The following TAF4 variants were observed in gnomAD, a reference collection of about 807,000 sequenced individuals.
TAF4 encodes the protein TATA-box binding protein associated factor 4, also known as transcription initiation factor TFIID subunit 4.
Under a neutral mutation model 90.3 loss-of-function variants are expected in TAF4, and 9 were observed. The ratio of observed to expected loss-of-function variants is 0.10; its 90% CI spans 0.06 to 0.17. The LOEUF is 0.17. Among genes scored for constraint, TAF4 ranks in the 10% least tolerant of loss-of-function variants. TAF4 has a pLI of 1.00. For synonymous variants in TAF4, 818 were observed against 638.9 expected, an observed-to-expected ratio of 1.28 and a Z score of -4.23; for missense variants, 1,351 against 1,370.7, an observed-to-expected ratio of 0.99 and a Z score of 0.23.
intron 10 of TAF4, 38 bp from the exon 11 acceptor site, chr20:62,000,292 T>C (rs1487552932): frequency 5.0e-6 from 8 of 1,604,486 alleles, no homozygotes; most frequent in Non-Finnish European, 6.8e-6. Context: ...TTTAAAATCA[T>C]TAAGCACAGT....
At chr20:61,996,302 A>G (rs1295857096) in intron 14 of TAF4, among the ~76,000 whole-genome samples, 1 of 152,040 alleles carries the variant, frequency 6.6e-6, no homozygotes. Context: ...GGATCACCTG[A>G]GCCCGGGGAT....
At position 62,036,836 on chromosome 20, in the gene TAF4, G is replaced by T. The variant is rs138763661; in HGVS notation, c.1361-22129C>A. Among the ~76,000 whole-genome samples the T allele has an allele frequency of 2.1e-4, 32 of 152,338 alleles. 1 individual carries two copies. Among genetic ancestry groups the T allele is most frequent in the African/African-American group, 7.7e-4 (32 of 41,572 alleles). On this transcript the variant is annotated intron_variant, in intron 1 of 14. Coordinates refer to ENST00000252996, the MANE Select transcript of TAF4 (RefSeq NM_003185.4). ...TCATATGCTGAAACCCAATCCCCAA[G>T]GTGATGGTAGCAGAAGCGGGGGGAC...
chr20:61,998,436 A>T (rs920053047), intron 12 of TAF4, among the ~76,000 whole-genome samples: 6 of 152,228 alleles, frequency 3.9e-5, no homozygotes, highest in Non-Finnish European at 2.9e-5. Context: ...CACATCTACC[A>T]ATCGCAGGCT....
At chr20:62,064,120 G>A (rs1028747871) in intron 1 of TAF4, among the ~76,000 whole-genome samples, 8 of 152,250 alleles carry the variant, frequency 5.3e-5, no homozygotes, top group East Asian at 1.9e-4. Flanking sequence ...ACCAACCCGG[G>A]CAGGGACGCA....
chr20:62,001,102 A>AAGAGTACG (rs2055698274), intron 9 of TAF4, among the ~76,000 whole-genome samples: 1 of 152,244 alleles, frequency 6.6e-6, no homozygotes, highest in Non-Finnish European at 1.5e-5. Context: ...AAGTTGGAAG[A>AAGAGTACG]AGAGTACGCA....
chr20:62,003,976 C>A, intron 7 of TAF4, 98 bp from the exon 8 acceptor site: 5 of 1,402,922 alleles, frequency 3.6e-6, no homozygotes, highest in Non-Finnish European at 4.7e-6. Context: ...TCCTTTGCAC[C>A]CCACGCCCCC....
In TAF4 at chr20:62,049,809, A is replaced by C. The variant is rs533173657; in HGVS notation, c.1360+14642T>G. On this transcript the variant is annotated intron_variant, in intron 1 of 14. Coordinates refer to ENST00000252996, the MANE Select transcript of TAF4 (RefSeq NM_003185.4). ...CCAGTCACGTGGCCTTGAGCAGTTC[A>C]TAGAAATGCGAGCCTCAGTGTCTCG... Among the ~76,000 whole-genome samples the C allele has an allele frequency of 7.2e-5, 11 of 152,244 alleles. No homozygotes were observed. In the South Asian group the frequency reaches 2.3e-3, roughly 32 times the overall value.
In TAF4 at chr20:62,010,851, T is replaced by G. The variant is rs1437832733; in HGVS notation, c.1642-686A>C. ...AGGTAGCTCAGACAACTCAGTGGCC[T>G]GTACTCGATTCCTAACATTTCCATT... On this transcript the variant is annotated intron_variant, in intron 3 of 14. Coordinates refer to ENST00000252996, the MANE Select transcript of TAF4 (RefSeq NM_003185.4). The surrounding 1 kb of genome is among the most constrained non-coding windows in gnomAD (Gnocchi z 4.5). Among the ~76,000 whole-genome samples, 1 of 152,266 alleles carries G rather than the reference T, an allele frequency of 6.6e-6. No homozygotes were observed. Among genetic ancestry groups the G allele is most frequent in the Non-Finnish European group, 1.5e-5 (1 of 68,044 alleles).
intron 14 of TAF4, among the ~76,000 whole-genome samples, chr20:61,978,219 G>C (rs3927407): frequency 0.045 from 13 of 292 alleles, no homozygotes; most frequent in South Asian, 0.17. Context: ...GAGGGCGCGA[G>C]ACCAACCAAG....
chr20:62,054,546 T>C lies in TAF4; in HGVS notation c.1360+9905A>G, dbSNP rs894112087. On this transcript the variant is annotated intron_variant, in intron 1 of 14. Coordinates refer to ENST00000252996, the MANE Select transcript of TAF4 (RefSeq NM_003185.4). ...AAGGCTCTCAGCAACGGCCACGCCATGTCCTTCCACCCCAAGAGCTGACAG... is the reference window on the plus strand; with the variant it reads ...AAGGCTCTCAGCAACGGCCACGCCACGTCCTTCCACCCCAAGAGCTGACAG... Among the ~76,000 whole-genome samples the C allele has an allele frequency of 5.3e-5, 8 of 152,294 alleles. No homozygotes were observed. The East Asian group carries it at 1.3e-3, about 26-fold the overall frequency.
At chr20:62,051,032 G>A (rs1485413195) in intron 1 of TAF4, among the ~76,000 whole-genome samples, 2 of 152,198 alleles carry the variant, frequency 1.3e-5, no homozygotes, top group East Asian at 1.9e-4. Context: ...GAAGTCAACA[G>A]CACACTCTCG....
At chr20:61,980,327 G>A (rs1040591381) in intron 14 of TAF4, 7 of 152,262 alleles carry the variant, frequency 4.6e-5, no homozygotes, top group African/African-American at 1.2e-4. Flanking sequence ...TCAGCACCTG[G>A]GGGCTGTCCG....
intron 1 of TAF4, among the ~76,000 whole-genome samples, chr20:62,020,380 T>C (rs1447926797): frequency 6.6e-6 from 1 of 152,240 alleles, no homozygotes; most frequent in Non-Finnish European, 1.5e-5. Flanking sequence ...AGCCAGGCGC[T>C]GAACAGTCGC....
At chr20:61,980,351 T>G (rs1332071377) in intron 14 of TAF4, 1 of 152,254 alleles carries the variant, frequency 6.6e-6, no homozygotes, top group Non-Finnish European at 1.5e-5. Flanking sequence ...GGAGCGCGTC[T>G]GCTCCCGGGG....
Position 62,006,565 on chromosome 20 carries a change from C to A in TAF4, c.2168G>T (p.Ser723Ile). Residue 723 changes from serine (S) to isoleucine (I), a missense_variant, in exon 7 of 15, where the codon AGC becomes ATC. Ser to Ile is a moderately radical substitution (Grantham distance 142). Around this residue, in one of 9 missense-constraint regions of TAF4, gnomAD observed 202 missense variants for 229.7 expected, o/e 0.88. Transcript: ENST00000252996. This position sits in a 1 kb window ranked among gnomAD's most constrained non-coding sequence, Gnocchi z 7.0. Reference protein sequence around the residue: ...VTSALQPPVLSLTQPTQVGVG... With the variant: ...VTSALQPPVLILTQPTQVGVG... Reference sequence around the variant, plus strand: ...GCCGACCTGCGTGGGCTGCGTGAGGCTGAGCACAGGGGGCTGGAGGGCACT... The same window carrying A: ...GCCGACCTGCGTGGGCTGCGTGAGGATGAGCACAGGGGGCTGGAGGGCACT... 1 of 1,588,208 alleles carries A rather than the reference C, an allele frequency of 6.3e-7. No homozygotes were observed. The highest frequency in any genetic ancestry group is 1.7e-5 in the Admixed American group (1 of 57,452).
intron 1 of TAF4, among the ~76,000 whole-genome samples, chr20:62,053,549 C>G (rs908761939): frequency 5.3e-5 from 8 of 152,226 alleles, no homozygotes; most frequent in African/African-American, 1.9e-4. Flanking sequence ...TGAGAAGCGG[C>G]ATCCGTGCAC....
intron 1 of TAF4, among the ~76,000 whole-genome samples, chr20:62,044,265 G>A (rs981146307): frequency 6.6e-6 from 1 of 152,092 alleles, no homozygotes; most frequent in Admixed American, 6.5e-5. Flanking sequence ...TGCTACCAGA[G>A]ATGATCTCCA....
intron 14 of TAF4, among the ~76,000 whole-genome samples, chr20:61,993,983 C>G: frequency 6.6e-6 from 1 of 152,092 alleles, no homozygotes. Context: ...GAACTCCTGA[C>G]CTCATGATCC....
chr20:62,031,405 A>C (rs2145493541), intron 1 of TAF4, among the ~76,000 whole-genome samples: 1 of 152,342 alleles, frequency 6.6e-6, no homozygotes, highest in South Asian at 2.1e-4. Flanking sequence ...CTCAGGATAA[A>C]GCATATTCAT....
Sources: allele counts gnomAD v4.1 joint callset (sites outside exome capture counted in the v4.1 genomes callset), GRCh38; gene constraint gnomAD v4.1.1; regional missense constraint gnomAD v4.1.1; non-coding constraint Gnocchi (gnomAD v3.1); transcripts MANE v1.5; gene names NCBI Gene and HGNC (gene_info 2026-07-23, HGNC 2026-07-21).